MTUS2: variants seen among roughly 807,000 people sequenced by gnomAD.
MTUS2 encodes microtubule-associated tumor suppressor candidate 2.
A neutral mutation model predicts 114.1 loss-of-function variants in MTUS2; 40 were observed. The observed-to-expected ratio is 0.35, with a 90% confidence interval of 0.27 to 0.46. The LOEUF (loss-of-function observed/expected upper bound fraction) is 0.46, where lower values mean the gene tolerates loss of function less well. MTUS2 is among the 20% of genes least tolerant of loss of function. The pLI is 1.00. For synonymous variants in MTUS2, 688 were observed against 672.0 expected, an observed-to-expected ratio of 1.02 and a Z score of -0.37; for missense variants, 1,679 against 1,705.4, an observed-to-expected ratio of 0.98 and a Z score of 0.27.
intron 2 of MTUS2, among the ~76,000 whole-genome samples, chr13:28,934,626 C>T (rs763215453): frequency 3.9e-5 from 6 of 152,068 alleles, no homozygotes; most frequent in Non-Finnish European, 5.9e-5. Context: ...CGGGTTCAAG[C>T]GATTCTCCTG....
intron 5 of MTUS2, among the ~76,000 whole-genome samples, chr13:29,187,836 TTC>T (rs1894287008): frequency 6.6e-6 from 1 of 152,120 alleles, no homozygotes; most frequent in African/African-American, 2.4e-5. Context: ...CCCATAAACA[TTC>T]TGTGTTGATT....
intron 2 of MTUS2, among the ~76,000 whole-genome samples, chr13:28,956,388 G>A (rs1345178633): frequency 2.0e-5 from 3 of 152,040 alleles, no homozygotes; most frequent in South Asian, 2.1e-4. Context: ...TCAATAGGGC[G>A]GCAGCAACCC....
At chr13:29,462,132 G>A (rs554388121) in intron 9 of MTUS2, among the ~76,000 whole-genome samples, 1 of 152,334 alleles carries the variant, frequency 6.6e-6, no homozygotes, top group South Asian at 2.1e-4. Flanking sequence ...AGGGGAAGAG[G>A]GTGGAGCCCA....
At chr13:28,981,215 T>G (rs113312456) in intron 2 of MTUS2, among the ~76,000 whole-genome samples, 1,891 of 152,254 alleles carry the variant, frequency 0.012, 34 homozygotes, top group African/African-American at 0.043. Context: ...AGCATAAAAG[T>G]TAAATAAAGA....
rs536655711 is a variant in MTUS2, at chr13:28,824,411, G to A, written c.-316+3800G>A. On this transcript the variant is annotated intron_variant, in intron 1 of 15. Transcript: ENST00000612955. ...GGGTAGGAGCCTAACTTTGACAAGT[G>A]CCATTTAGCAGTCACAGATGGCCTA... Among the ~76,000 whole-genome samples, 112 of 152,242 alleles carry A rather than the reference G, an allele frequency of 7.4e-4. 1 individual carries two copies. The highest frequency in any genetic ancestry group is 2.6e-3 in the African/African-American group (107 of 41,530).
intron 8 of MTUS2, among the ~76,000 whole-genome samples, chr13:29,404,352 G>GA (rs992868546): frequency 9.9e-5 from 15 of 151,518 alleles, no homozygotes; most frequent in African/African-American, 3.4e-4. Context: ...ACCCTGTCTC[G>GA]AAAAAACAAA....
chr13:29,040,483 G>T (rs1247273911), intron 4 of MTUS2, among the ~76,000 whole-genome samples: 2 of 152,104 alleles, frequency 1.3e-5, no homozygotes, highest in Non-Finnish European at 2.9e-5. Context: ...TACCCAGTAG[G>T]GTATTGCTGG....
chr13:29,342,087 G>T (rs1309959282), intron 7 of MTUS2, among the ~76,000 whole-genome samples: 1 of 152,122 alleles, frequency 6.6e-6, no homozygotes, highest in Non-Finnish European at 1.5e-5. Flanking sequence ...GTGATGTGAT[G>T]CCTCCAGATT....
At chr13:29,463,528 G>C (rs1169215133) in intron 9 of MTUS2, among the ~76,000 whole-genome samples, 1 of 152,188 alleles carries the variant, frequency 6.6e-6, no homozygotes, top group Admixed American at 6.5e-5. Context: ...TAGGCTCCAA[G>C]GGCACACGCC....
intron 5 of MTUS2, among the ~76,000 whole-genome samples, chr13:29,107,341 G>A (rs979246197): frequency 3.9e-5 from 6 of 152,034 alleles, no homozygotes; most frequent in African/African-American, 1.4e-4. Context: ...CTTTACAATA[G>A]TAGAATTTTA....
chr13:28,963,724 A>G (rs1883444355), intron 2 of MTUS2, among the ~76,000 whole-genome samples: 1 of 151,596 alleles, frequency 6.6e-6, no homozygotes, highest in Admixed American at 6.6e-5. Flanking sequence ...TCCTCATTCC[A>G]CTCCAGTCAG....
At chr13:29,411,906 T>C (rs1308672192) in intron 8 of MTUS2, among the ~76,000 whole-genome samples, 5 of 152,228 alleles carry the variant, frequency 3.3e-5, no homozygotes, top group Non-Finnish European at 7.3e-5. Context: ...ATGAAGGCTA[T>C]TGATTTTTGT....
At chr13:29,033,491 C>T (rs1886920825) in intron 3 of MTUS2, among the ~76,000 whole-genome samples, 3 of 152,046 alleles carry the variant, frequency 2.0e-5, no homozygotes, top group Admixed American at 2.0e-4. Context: ...CAACTTACAG[C>T]TTTTTTCCCA....
At chr13:29,158,827 G>A (rs192042763) in intron 5 of MTUS2, among the ~76,000 whole-genome samples, 98 of 152,284 alleles carry the variant, frequency 6.4e-4, no homozygotes, top group African/African-American at 2.1e-3. Context: ...TTCAAGGATA[G>A]CAGCAATGAG....
intron 5 of MTUS2, among the ~76,000 whole-genome samples, chr13:29,213,918 A>T (rs563667368): frequency 1.3e-5 from 2 of 151,220 alleles, no homozygotes; most frequent in East Asian, 3.9e-4. Flanking sequence ...TCCTTTTGGC[A>T]CTGAATAGTT....
At chr13:28,905,466 G>T (rs1233828725) in intron 2 of MTUS2, among the ~76,000 whole-genome samples, 2 of 145,838 alleles carry the variant, frequency 1.4e-5, no homozygotes, top group Non-Finnish European at 3.0e-5. Context: ...TAGCATGAAG[G>T]TTGTTGAATT....
chr13:29,303,724 A>G (rs1247088972), intron 6 of MTUS2, among the ~76,000 whole-genome samples: 1 of 152,226 alleles, frequency 6.6e-6, no homozygotes, highest in African/African-American at 2.4e-5. Flanking sequence ...GCAGGATATC[A>G]TCCAGGAGAA....
intron 5 of MTUS2, among the ~76,000 whole-genome samples, chr13:29,190,721 C>T (rs181748805): frequency 6.6e-6 from 1 of 152,302 alleles, no homozygotes; most frequent in Non-Finnish European, 1.5e-5. Flanking sequence ...CAAGCTAGAG[C>T]ATTGCATATA....
intron 8 of MTUS2, among the ~76,000 whole-genome samples, chr13:29,433,592 T>C (rs1220832081): frequency 1.3e-5 from 2 of 152,252 alleles, no homozygotes; most frequent in East Asian, 3.8e-4. Context: ...TTATATATTA[T>C]GGATCTGGCC....
Sources: allele counts gnomAD v4.1 joint callset (sites outside exome capture counted in the v4.1 genomes callset), GRCh38; gene constraint gnomAD v4.1.1; transcripts MANE v1.5; gene names NCBI Gene and HGNC (gene_info 2026-07-23, HGNC 2026-07-21).